LINGO2: variants seen among roughly 807,000 people sequenced by gnomAD.
LINGO2 encodes the protein leucine rich repeat and Ig domain containing 2, also known as leucine-rich repeat and immunoglobulin-like domain-containing nogo receptor-interacting protein 2.
A neutral mutation model predicts 30.6 loss-of-function variants in LINGO2; 14 were observed. The observed-to-expected ratio is 0.46, with a 90% CI of 0.30 to 0.72. LINGO2 has a LOEUF of 0.72. LINGO2 is among the 30% of genes least tolerant of loss of function. LINGO2 has a pLI of 0.07. For missense variants in LINGO2, 729 were observed against 751.7 expected (o/e 0.97, Z 0.35); for synonymous variants, 317 against 288.5 (o/e 1.10, Z -1.00).
intron 2 of LINGO2, among the ~76,000 whole-genome samples, chr9:28,452,988 T>C (rs1022653714): frequency 6.6e-6 from 1 of 151,874 alleles, no homozygotes; most frequent in African/African-American, 2.4e-5. Context: ...TTGCCAAATA[T>C]ATAAAATTGG....
chr9:29,131,699 C>T, the LINGO2 span, among the ~76,000 whole-genome samples: 1 of 152,018 alleles, frequency 6.6e-6, no homozygotes, highest in African/African-American at 2.4e-5. Context: ...GAAAAGTCAT[C>T]AATGTAACTA....
At chr9:28,721,901 A>C in the LINGO2 span, among the ~76,000 whole-genome samples, 1 of 152,120 alleles carries the variant, frequency 6.6e-6, no homozygotes, top group Non-Finnish European at 1.5e-5. Context: ...AATAGCCAAA[A>C]TTTGTTCATT....
At chr9:28,153,587 C>T (rs1235896511) in intron 4 of LINGO2, among the ~76,000 whole-genome samples, 4 of 152,158 alleles carry the variant, frequency 2.6e-5, no homozygotes, top group Non-Finnish European at 5.9e-5. Context: ...TCTGTCTCTT[C>T]AACATTTGAC....
chr9:28,449,032 C>CATGTGT (rs375041571), intron 2 of LINGO2, among the ~76,000 whole-genome samples: 2 of 137,994 alleles, frequency 1.4e-5, no homozygotes, highest in African/African-American at 5.3e-5. Context: ...TATTCACATT[C>CATGTGT]GTGTGTGTGT....
chr9:29,211,504 T>G, the LINGO2 span, among the ~76,000 whole-genome samples: 1 of 152,086 alleles, frequency 6.6e-6, no homozygotes, highest in Non-Finnish European at 1.5e-5. Context: ...ACACACAAGC[T>G]TAACTTCGCC....
At chr9:28,717,481 A>C in the LINGO2 span, among the ~76,000 whole-genome samples, 1 of 152,032 alleles carries the variant, frequency 6.6e-6, no homozygotes, top group African/African-American at 2.4e-5. Flanking sequence ...TACAATAAAC[A>C]TGAGATTTTG....
At chr9:28,383,196 T>C (rs910212322) in intron 2 of LINGO2, among the ~76,000 whole-genome samples, 1 of 151,590 alleles carries the variant, frequency 6.6e-6, no homozygotes, top group South Asian at 2.1e-4. Flanking sequence ...CCCACGTGGG[T>C]TGCTAGCAGC....
At chr9:28,523,460 T>A (rs1820900086) in intron 1 of LINGO2, among the ~76,000 whole-genome samples, 1 of 152,032 alleles carries the variant, frequency 6.6e-6, no homozygotes, top group African/African-American at 2.4e-5. Flanking sequence ...AACAGGACAA[T>A]TAGGCAACAA....
At chr9:29,033,672 C>T in the LINGO2 span, among the ~76,000 whole-genome samples, 4 of 151,506 alleles carry the variant, frequency 2.6e-5, no homozygotes, top group African/African-American at 9.7e-5. Flanking sequence ...GTATTACTTT[C>T]CTGAGTGGAG....
chr9:29,198,057 A>G, the LINGO2 span, among the ~76,000 whole-genome samples: 1 of 152,156 alleles, frequency 6.6e-6, no homozygotes. Flanking sequence ...CCAAGAGGCT[A>G]TGACTCTGCA....
At chr9:28,682,275 T>TAA in the LINGO2 span, among the ~76,000 whole-genome samples, 4 of 152,296 alleles carry the variant, frequency 2.6e-5, no homozygotes, top group Non-Finnish European at 5.9e-5. Context: ...GGAAAAAAGC[T>TAA]CATGGAACCT....
chr9:28,912,790 T>A, the LINGO2 span, among the ~76,000 whole-genome samples: 1 of 152,188 alleles, frequency 6.6e-6, no homozygotes, highest in Non-Finnish European at 1.5e-5. Context: ...TGCAGTATAT[T>A]TTAAATCAAA....
intron 1 of LINGO2, among the ~76,000 whole-genome samples, chr9:28,543,020 TATGGTAAAACATGTCCTTTGCCAA>T (rs1291604880): frequency 6.6e-6 from 1 of 152,088 alleles, no homozygotes; most frequent in Admixed American, 6.6e-5. Context: ...CAGTGACAAA[TATGGTAAAACATGTCCTTTGCCAA>T]ATGCACTAGA....
the LINGO2 span, among the ~76,000 whole-genome samples, chr9:28,827,991 A>G: frequency 6.6e-6 from 1 of 152,060 alleles, no homozygotes; most frequent in Admixed American, 6.6e-5. Context: ...TATGTAGACA[A>G]TATCTTGAAA....
chr9:27,989,548 G>A (rs1821293382), intron 5 of LINGO2, among the ~76,000 whole-genome samples: 1 of 151,698 alleles, frequency 6.6e-6, no homozygotes, highest in Non-Finnish European at 1.5e-5. Context: ...GTTCTGGCAG[G>A]CACTAGGGGA....
intron 1 of LINGO2, among the ~76,000 whole-genome samples, chr9:28,614,264 A>T (rs1367819472): frequency 1.3e-5 from 2 of 152,164 alleles, no homozygotes; most frequent in Non-Finnish European, 2.9e-5. Context: ...TAGAATACAG[A>T]TATTAAAGCC....
the LINGO2 span, among the ~76,000 whole-genome samples, chr9:28,780,230 C>T: frequency 2.6e-5 from 4 of 152,134 alleles, no homozygotes; most frequent in African/African-American, 9.7e-5. Context: ...CTTCCCTGTA[C>T]TCGGTCTTGC....
chr9:28,372,917 TTAAAG>T (rs1277153818), intron 2 of LINGO2, 49 bp from the exon 5 acceptor site: 1 of 152,550 alleles, frequency 6.6e-6, no homozygotes, highest in Non-Finnish European at 1.5e-5. Flanking sequence ...TAAAAGCCAA[TTAAAG>T]TAACACAAGA....
At chr9:29,109,279 G>A in the LINGO2 span, among the ~76,000 whole-genome samples, 1 of 152,062 alleles carries the variant, frequency 6.6e-6, no homozygotes, top group East Asian at 1.9e-4. Context: ...TTCTTTAGAA[G>A]GTAGACTGTT....
Sources: gnomAD v4.1 joint callset for allele counts (sites outside exome capture counted in the v4.1 genomes callset) on GRCh38, gnomAD v4.1.1 for gene constraint, MANE v1.5 for transcripts, NCBI Gene and HGNC (gene_info 2026-07-23, HGNC 2026-07-21) for gene names.